Variants in PSRC1 observed in about 807,000 individuals in gnomAD.
The protein encoded by PSRC1 is proline and serine rich coiled-coil 1, also known as proline/serine-rich coiled-coil protein 1.
PSRC1 carries 30 observed loss-of-function variants against 31.9 expected under a neutral mutation model. The ratio of observed to expected loss-of-function variants is 0.94; its 90% CI spans 0.70 to 1.28. The LOEUF (loss-of-function observed/expected upper bound fraction) is 1.28. PSRC1 is among the 50% of genes most tolerant of loss of function. The probability of loss-of-function intolerance (pLI) is 0.00; values close to 1 mark genes in which losing one functional copy is unlikely to be tolerated. For synonymous variants in PSRC1, 191 were observed against 192.1 expected (o/e 0.99, Z 0.05); for missense variants, 481 against 472.8 (o/e 1.02, Z -0.16).
intron 5 of PSRC1, 86 bp from the exon 7 acceptor site, chr1:109,280,575 G>T: frequency 8.7e-7 from 1 of 1,148,386 alleles, no homozygotes; most frequent in Non-Finnish European, 1.3e-6. Flanking sequence ...AGCGAGTGTG[G>T]GATTAGTACT....
exon 5 of PSRC1, chr1:109,280,982 C>A (rs1656984232): frequency 6.2e-7 from 1 of 1,610,836 alleles, no homozygotes; most frequent in Non-Finnish European, 8.5e-7. Flanking sequence ...GCGGCCGGGG[C>A]AGGCGTTGAG....
At chr1:109,281,708 G>A in exon 4 of PSRC1, 1 of 1,614,032 alleles carries the variant, frequency 6.2e-7, no homozygotes, top group East Asian at 2.2e-5. Context: ...CGAGGCGTCA[G>A]GCTGCTTGGG....
At chr1:109,282,841 G>A in intron 1 of PSRC1, 105 bp from the exon 2 acceptor site, 1 of 1,085,522 alleles carries the variant, frequency 9.2e-7, no homozygotes, top group Non-Finnish European at 1.3e-6. Context: ...GGCAAAGCAA[G>A]CGCCCAGGAG....
intron 3 of PSRC1, 172 bp from the exon 4 acceptor site, chr1:109,282,232 G>A (rs1657283263): frequency 1.6e-6 from 1 of 633,964 alleles, no homozygotes; most frequent in Admixed American, 3.0e-5. Flanking sequence ...GGTTCTATGG[G>A]GCCTAATAGG....
intron 5 of PSRC1, 31 bp downstream of exon 6, chr1:109,280,746 A>C: frequency 2.0e-6 from 3 of 1,516,832 alleles, no homozygotes; most frequent in Non-Finnish European, 2.7e-6. Context: ...ACGCTGGGCA[A>C]GGGCGGGCAT....
rs776027760 is a variant in PSRC1 at position 109,280,496 on chromosome 1, G to A, written c.995-7C>T. On this transcript the variant is annotated splice_polypyrimidine_tract_variant and splice_region_variant and intron_variant, in intron 5 of 6. Transcript: ENST00000409138. ...AGTCGCTGGGAAACAGGAACTTCAT[G>A]GGGGTTAACAAAAGAAATGAGTTAG... The A allele has an allele frequency of 6.2e-7, 1 of 1,604,536 alleles. No individual in the cohort carries two copies. Among genetic ancestry groups the A allele is most frequent in the Non-Finnish European group, 8.5e-7 (1 of 1,175,368 alleles).
rs992049320 is a variant in PSRC1, at chr1:109,282,812, G to C, written c.-33-81C>G. 1.9e-5 allele frequency: 28 copies of C among 1,436,212 alleles called. No homozygotes were observed. The African/African-American group carries it at 4.0e-4, about 20-fold the overall frequency. 89.0% of individuals were successfully genotyped at this position (1,436,212 alleles called of 1,614,324 possible). ...CAGCTAGATTCAGGGTGCAAGCCAGGGTCGGGGGTCATGCTGGAGGCAAAG... is the reference window on the plus strand; with the variant it reads ...CAGCTAGATTCAGGGTGCAAGCCAGCGTCGGGGGTCATGCTGGAGGCAAAG... On this transcript the variant is annotated intron_variant, in intron 1 of 6. Coordinates refer to ENST00000409138, the Ensembl canonical transcript of PSRC1.
chr1:109,283,109 G>T (rs751965005), exon 1 of PSRC1: 7 of 259,032 alleles, frequency 2.7e-5, no homozygotes, highest in Admixed American at 5.1e-5. Context: ...TATCTTCCAC[G>T]CAACAGGCTT....
rs1481624516 is a variant in PSRC1 at position 109,280,383 on chromosome 1, G to A, written c.1088+13C>T. ...GTAGGGAGACAGGATGGGCAAGGGA[G>A]GACCAGACTGACCTGGTAGGTCCTG... On this transcript the variant is annotated intron_variant, in intron 6 of 6. Coordinates refer to ENST00000409138, the Ensembl canonical transcript of PSRC1. 6.3e-7 allele frequency: 1 copy of A among 1,594,734 alleles called. No homozygotes were observed.
intron 4 of PSRC1, 111 bp from the exon 5 acceptor site, chr1:109,281,362 G>A (rs1420387828): frequency 3.1e-6 from 3 of 982,540 alleles, no homozygotes; most frequent in African/African-American, 3.3e-5. Context: ...CAGTAAGGAA[G>A]GGTAGAAGTT....
intron 1 of PSRC1, 31 bp downstream of exon 1, chr1:109,283,032 C>T (rs1657450242): frequency 2.2e-6 from 1 of 459,932 alleles, no homozygotes; most frequent in Admixed American, 3.8e-5. Context: ...AGCCACCTTT[C>T]CACTCCCCTG....
chr1:109,281,563 C>A (rs1174592995), intron 4 of PSRC1, 56 bp downstream of exon 4: 4 of 1,420,116 alleles, frequency 2.8e-6, no homozygotes, highest in Admixed American at 1.9e-5. Flanking sequence ...CCACTCCCTG[C>A]ATCATGGCAC....
In PSRC1 at chr1:109,281,887, A is replaced by C. The variant is rs1557750888; in HGVS notation, c.251T>G (p.Leu84Arg). ...GGCACACTGCTCCAGCTGAGCGGCC[A>C]GCCGGTTGGCCTCATCGAGGATCTC... is the stretch of plus-strand genomic sequence containing the variant. Residue 84 changes from leucine to arginine, a missense_variant, in exon 4 of 7, where the codon CTG becomes CGG. Physicochemically the swap from Leu to Arg is moderately radical, Grantham distance 102. Transcript: ENST00000409138. The C allele has an allele frequency of 3.1e-6, 5 of 1,612,356 alleles. No individual in the cohort carries two copies. The South Asian group carries it at 4.4e-5, about 14-fold the overall frequency.
At chr1:109,281,733 C>T (rs560080000) in exon 4 of PSRC1, 34 of 1,614,010 alleles carry the variant, frequency 2.1e-5, no homozygotes, top group African/African-American at 9.3e-5. Flanking sequence ...GGGTGCTCCG[C>T]GTCAAAGAGT....
rs749755144 is a variant in PSRC1, at chr1:109,280,854, G to A, written c.917C>T (p.Pro306Leu). ...CCCTTTTCGAGTTGACAGAGAATCC[G>A]GAGGTAGGGCACCTCTGCCAGGTGG... The change falls in exon 5 of 7, where the codon CCG becomes CTG. Residue 306 changes from proline (P) to leucine (L), a missense_variant. Pro to Leu is a moderately conservative substitution (Grantham distance 98). Transcript: ENST00000409138. 1.6e-5 allele frequency: 26 copies of A among 1,613,206 alleles called. No individual in the cohort carries two copies. The highest frequency in any genetic ancestry group is 9.3e-6 in the Non-Finnish European group (11 of 1,179,450).
At chr1:109,281,379 T>C in intron 4 of PSRC1, 128 bp from the exon 5 acceptor site, 1 of 842,306 alleles carries the variant, frequency 1.2e-6, no homozygotes, top group Non-Finnish European at 1.8e-6. Context: ...AGTTAGCTGC[T>C]AACATCACCA....
intron 5 of PSRC1, 79 bp from the exon 7 acceptor site, chr1:109,280,568 G>A (rs1022799569): frequency 1.4e-5 from 17 of 1,242,806 alleles, no homozygotes; most frequent in Admixed American, 1.0e-4. Context: ...TGAAGGGAGC[G>A]AGTGTGGGAT....
intron 6 of PSRC1, 35 bp from the exon 8 acceptor site, chr1:109,280,191 C>A (rs1029581633): frequency 6.2e-7 from 1 of 1,611,632 alleles, no homozygotes; most frequent in Non-Finnish European, 8.5e-7. Context: ...CTTTAAAATG[C>A]CCTTCTTCCT....
At position 109,282,666 on chromosome 1, in the gene PSRC1, C is replaced by T. The variant is rs779853241; in HGVS notation, c.19+14G>A. The stretch of plus-strand genomic sequence containing the variant: ...CACTCCTCCCTTTCATTCTTCCCTC[C>T]CTCCTTTCCTTACCTTCCTCCAAAT... On this transcript the variant is annotated intron_variant, in intron 2 of 6. Transcript: ENST00000409138. The T allele has an allele frequency of 4.5e-6, 7 of 1,567,142 alleles. No homozygotes were observed. The highest frequency in any genetic ancestry group is 2.7e-5 in the African/African-American group (2 of 74,228).
Sources: allele counts gnomAD v4.1 joint callset, GRCh38; gene constraint gnomAD v4.1.1; transcripts MANE v1.5; gene names NCBI Gene and HGNC (gene_info 2026-07-23, HGNC 2026-07-21).